Variants in ARHGEF7 observed in about 807,000 individuals in gnomAD.
ARHGEF7 encodes Rho guanine nucleotide exchange factor 7.
A neutral mutation model predicts 109.8 loss-of-function variants in ARHGEF7; 33 were observed. The ratio of observed to expected loss-of-function variants is 0.30; its 90% CI spans 0.23 to 0.40. The LOEUF is 0.40. ARHGEF7 is among the 10% of genes least tolerant of loss of function. The pLI, the probability that ARHGEF7 is intolerant of heterozygous loss-of-function variation, is 1.00. For synonymous variants in ARHGEF7, 458 were observed against 424.6 expected, an observed-to-expected ratio of 1.08 and a Z score of -0.97; for missense variants, 938 against 1,098.5, an observed-to-expected ratio of 0.85 and a Z score of 2.07.
At chr13:111,246,412 C>G (rs1461102912) in intron 8 of ARHGEF7, among the ~76,000 whole-genome samples, 2 of 152,194 alleles carry the variant, frequency 1.3e-5, no homozygotes, top group African/African-American at 4.8e-5. Flanking sequence ...CTAGTTCTTG[C>G]AGTTCATGAC....
Position 111,267,346 on chromosome 13 carries a change from G to A in ARHGEF7, c.951-202G>A, listed in dbSNP as rs148369149. 3.4e-4 allele frequency among the ~76,000 whole-genome samples: 52 copies of A among 152,144 alleles called. No homozygotes were observed. In the East Asian group the frequency reaches 0.01, roughly 29 times the overall value. On this transcript the variant is annotated intron_variant, in intron 8 of 21. Transcript: ENST00000646102. ...TCTGAATGCTGCTGGAGAGGACCTG[G>A]CAGCACAGCTGCTTTCTGGGCGCCC...
chr13:111,223,460 C>A (rs1450931742), intron 5 of ARHGEF7, among the ~76,000 whole-genome samples: 1 of 152,186 alleles, frequency 6.6e-6, no homozygotes, highest in African/African-American at 2.4e-5. Flanking sequence ...TAAACAAGAA[C>A]TGAAGTTTTT....
chr13:111,149,378 C>T (rs2153369024), intron 1 of ARHGEF7, among the ~76,000 whole-genome samples: 1 of 152,204 alleles, frequency 6.6e-6, no homozygotes, highest in East Asian at 1.9e-4. Flanking sequence ...TGTGTTAACT[C>T]AGTTCAGAAA....
chr13:111,154,875 C>G (rs892370825), intron 2 of ARHGEF7, among the ~76,000 whole-genome samples: 3 of 152,036 alleles, frequency 2.0e-5, no homozygotes, highest in African/African-American at 7.2e-5. Flanking sequence ...CCTTAGTTTT[C>G]TTATCTGTAA....
At chr13:111,115,757 C>T in intron 1 of ARHGEF7, 66 bp downstream of exon 1, 22 of 979,308 alleles carry the variant, frequency 2.2e-5, no homozygotes, top group Non-Finnish European at 2.5e-5. Flanking sequence ...GGGATGCGCG[C>T]GGAGCACCTG....
At position 111,273,433 on chromosome 13, in the gene ARHGEF7, T is replaced by A. The variant is rs896498556; in HGVS notation, c.1074-381T>A. ...GCTCTTTACCGGAGCAGCTCGGTCCTTGTTCTACCACCTTGAGACTCTGAG... is the reference window on the plus strand; with the variant it reads ...GCTCTTTACCGGAGCAGCTCGGTCCATGTTCTACCACCTTGAGACTCTGAG... On this transcript the variant is annotated intron_variant, in intron 9 of 21. Transcript: ENST00000646102. The surrounding 1 kb of genome is among the most constrained non-coding windows in gnomAD (Gnocchi z 4.5). Among the ~76,000 whole-genome samples, 1 of 152,246 alleles carries A rather than the reference T, an allele frequency of 6.6e-6. No individual in the cohort carries two copies. The highest frequency in any genetic ancestry group is 2.4e-5 in the African/African-American group (1 of 41,470).
intron 2 of ARHGEF7, among the ~76,000 whole-genome samples, chr13:111,179,809 T>C (rs961689677): frequency 6.6e-6 from 1 of 152,170 alleles, no homozygotes; most frequent in African/African-American, 2.4e-5. Flanking sequence ...CATGATTTGG[T>C]TCAGGTTAGA....
chr13:111,214,690 G>A (rs997993489), intron 4 of ARHGEF7, among the ~76,000 whole-genome samples: 1 of 152,234 alleles, frequency 6.6e-6, no homozygotes. Context: ...TGGTCACAGG[G>A]CCCAGAGAGC....
intron 19 of ARHGEF7, chr13:111,293,293 A>G: frequency 1.0e-6 from 1 of 985,408 alleles, no homozygotes; most frequent in Non-Finnish European, 1.2e-6. Context: ...TGGAAGAGCC[A>G]TGGACACATC....
chr13:111,239,600 C>G lies in ARHGEF7; in HGVS notation c.760-4272C>G, dbSNP rs118130793. ...ACCTCAATGAAGATTTCTGTTAAATCTTTTGACTCCTGAAGTCTCTGCTTG... is the reference window on the plus strand; with the variant it reads ...ACCTCAATGAAGATTTCTGTTAAATGTTTTGACTCCTGAAGTCTCTGCTTG... On this transcript the variant is annotated intron_variant, in intron 6 of 21. Coordinates refer to ENST00000646102, the MANE Select transcript of ARHGEF7 (RefSeq NM_001354046.2). The surrounding 1 kb of genome is among the most constrained non-coding windows in gnomAD (Gnocchi z 4.3). 3.2e-3 allele frequency among the ~76,000 whole-genome samples: 492 copies of G among 152,168 alleles called. 1 individual carries two copies. The highest frequency in any genetic ancestry group is 0.011 in the South Asian group (54 of 4,812).
intron 6 of ARHGEF7, among the ~76,000 whole-genome samples, chr13:111,240,706 A>G (rs113599578): frequency 0.018 from 2,686 of 152,312 alleles, 42 homozygotes; most frequent in African/African-American, 0.043. Context: ...TGGACAGGGA[A>G]GGGCTGATTA....
At chr13:111,249,221 A>G (rs2089391201) in intron 8 of ARHGEF7, among the ~76,000 whole-genome samples, 1 of 152,134 alleles carries the variant, frequency 6.6e-6, no homozygotes, top group Non-Finnish European at 1.5e-5. Flanking sequence ...GTTGGCTGCC[A>G]TTAGCTTAAT....
intron 6 of ARHGEF7, among the ~76,000 whole-genome samples, chr13:111,234,456 C>T (rs903847901): frequency 6.6e-6 from 1 of 152,214 alleles, no homozygotes; most frequent in Admixed American, 6.5e-5. Flanking sequence ...CTGTTAAAGG[C>T]ACCAGGATGC....
At chr13:111,156,659 G>A (rs981201417) in intron 2 of ARHGEF7, among the ~76,000 whole-genome samples, 22 of 152,220 alleles carry the variant, frequency 1.4e-4, no homozygotes, top group Non-Finnish European at 1.6e-4. Flanking sequence ...TCTCCCATGC[G>A]GGCCACAGTG....
chr13:111,293,734 G>C (rs976345500), intron 19 of ARHGEF7: 24 of 985,230 alleles, frequency 2.4e-5, no homozygotes, highest in Admixed American at 6.2e-5. Flanking sequence ...CCTTCTTCAG[G>C]GTGGCTGTAA....
chr13:111,154,100 G>T (rs2076100204), intron 2 of ARHGEF7, 109 bp downstream of exon 2: 8 of 1,126,516 alleles, frequency 7.1e-6, no homozygotes, highest in Admixed American at 5.6e-5. Flanking sequence ...GCCCGGATCC[G>T]ACCCTCCCCG....
At chr13:111,232,325 A>G (rs1243123140) in intron 5 of ARHGEF7, among the ~76,000 whole-genome samples, 1 of 152,124 alleles carries the variant, frequency 6.6e-6, no homozygotes, top group Non-Finnish European at 1.5e-5. Context: ...TGTAGAACTG[A>G]TAATAGACAC....
intron 2 of ARHGEF7, among the ~76,000 whole-genome samples, chr13:111,200,805 C>G (rs1342838128): frequency 6.6e-6 from 1 of 152,140 alleles, no homozygotes; most frequent in Non-Finnish European, 1.5e-5. Flanking sequence ...AGTGCAGGGC[C>G]CCTTCTGGCA....
At chr13:111,223,372 A>G (rs1481109452) in intron 5 of ARHGEF7, among the ~76,000 whole-genome samples, 4 of 152,226 alleles carry the variant, frequency 2.6e-5, no homozygotes, top group Non-Finnish European at 5.9e-5. Context: ...TTTATTCATG[A>G]AAACACTGAC....
Sources: gnomAD v4.1 joint callset for allele counts (sites outside exome capture counted in the v4.1 genomes callset) on GRCh38, gnomAD v4.1.1 for gene constraint, Gnocchi (gnomAD v3.1) non-coding constraint, MANE v1.5 for transcripts, NCBI Gene and HGNC (gene_info 2026-07-23, HGNC 2026-07-21) for gene names.